The following PTMA variants were observed in gnomAD, a reference collection of about 807,000 sequenced individuals.
The protein encoded by PTMA is gene sequence 28.
PTMA carries 4 observed loss-of-function variants against 16.9 expected under a neutral mutation model. The ratio of observed to expected loss-of-function variants is 0.24; its 90% CI spans 0.12 to 0.54. PTMA has a LOEUF of 0.54. PTMA is among the 20% of genes least tolerant of loss of function. PTMA has a pLI of 0.95. For synonymous variants in PTMA, 58 were observed against 47.9 expected (o/e 1.21, Z -0.87); for missense variants, 120 against 137.7 (o/e 0.87, Z 0.64).
chr2:231,710,310 C>A (rs1268268031), intron 1 of PTMA: 1 of 1,247,700 alleles, frequency 8.0e-7, no homozygotes, highest in Non-Finnish European at 1.0e-6. Context: ...AGGCAAGGGA[C>A]GCACTCGGCG....
intron 2 of PTMA, 80 bp from the exon 3 acceptor site, chr2:231,711,809 TG>T: frequency 6.4e-7 from 1 of 1,571,694 alleles, no homozygotes; most frequent in East Asian, 2.3e-5. Flanking sequence ...CAGCCTCTGG[TG>T]GGAGGCCGGG....
At chr2:231,709,957 G>A (rs2048494886) in intron 1 of PTMA, 3 of 767,446 alleles carry the variant, frequency 3.9e-6, no homozygotes, top group East Asian at 3.6e-5. Flanking sequence ...TCTCCACAGG[G>A]GCTCTCAGTG....
intron 1 of PTMA, among the ~76,000 whole-genome samples, chr2:231,710,942 C>T (rs116282784): frequency 0.021 from 3,178 of 152,358 alleles, 57 homozygotes; most frequent in Non-Finnish European, 0.033. Flanking sequence ...TGGAACATAA[C>T]CTGCCGCCTT....
At chr2:231,709,248 TGCAG>T (rs1252295067) in intron 1 of PTMA, among the ~76,000 whole-genome samples, 12 of 152,276 alleles carry the variant, frequency 7.9e-5, no homozygotes, top group African/African-American at 2.4e-4. Flanking sequence ...TTTCGCGCCC[TGCAG>T]CGGACCTGAG....
In PTMA at chr2:231,712,882, A is replaced by T. The variant is rs754572320; in HGVS notation, c.*31A>T. The T allele has an allele frequency of 7.1e-6, 11 of 1,539,776 alleles. No homozygotes were observed. The highest frequency in any genetic ancestry group is 9.6e-6 in the Non-Finnish European group (11 of 1,144,456). ...AAAAAAGGAAAAGTTAAACTAAAAAAAAAAAGGCCGCCGTGACCTATTCAC... is the reference window on the plus strand; with the variant it reads ...AAAAAAGGAAAAGTTAAACTAAAAATAAAAAGGCCGCCGTGACCTATTCAC... On this transcript the variant is annotated 3_prime_UTR_variant, in exon 5 of 5. Transcript: ENST00000409115.
intron 2 of PTMA, 151 bp downstream of exon 2, chr2:231,711,570 G>A: frequency 1.3e-6 from 1 of 780,622 alleles, no homozygotes; most frequent in Non-Finnish European, 2.1e-6. Context: ...TTTACCCGAG[G>A]CGCGATTATT....
chr2:231,709,952 A>C (rs1284941509), intron 1 of PTMA: 75 of 741,642 alleles, frequency 1.0e-4, no homozygotes, highest in South Asian at 1.4e-4. Flanking sequence ...CCGGATCTCC[A>C]CAGGGGCTCT....
At chr2:231,711,490 C>A in intron 2 of PTMA, 71 bp downstream of exon 2, 2 of 1,392,556 alleles carry the variant, frequency 1.4e-6, no homozygotes, top group Non-Finnish European at 2.0e-6. Context: ...CTACTTTAAA[C>A]ATACCTATAT....
At chr2:231,712,122 C>A (rs1222788997) in intron 3 of PTMA, 139 bp downstream of exon 3, 2 of 1,447,416 alleles carry the variant, frequency 1.4e-6, no homozygotes, top group Non-Finnish European at 1.9e-6. Flanking sequence ...CCTGGGCACC[C>A]ACCTGTAGAG....
intron 1 of PTMA, 27 bp downstream of exon 1, chr2:231,708,778 CGG>C (rs1559281054): frequency 2.5e-6 from 4 of 1,597,822 alleles, no homozygotes; most frequent in Non-Finnish European, 2.5e-6. Flanking sequence ...CCCGCCCCCT[CGG>C]GGTCCGCGCG....
chr2:231,709,033 C>A (rs899239285), intron 1 of PTMA, among the ~76,000 whole-genome samples: 11 of 152,280 alleles, frequency 7.2e-5, no homozygotes, highest in Non-Finnish European at 1.3e-4. Flanking sequence ...CGAAACTCGT[C>A]TGTGGCCGGT....
chr2:231,709,028 C>G (rs1236643770), intron 1 of PTMA, among the ~76,000 whole-genome samples: 1 of 152,202 alleles, frequency 6.6e-6, no homozygotes, highest in Non-Finnish European at 1.5e-5. Context: ...GCCCTCGAAA[C>G]TCGTCTGTGG....
At chr2:231,709,278 T>G (rs1201900192) in intron 1 of PTMA, among the ~76,000 whole-genome samples, 2 of 151,964 alleles carry the variant, frequency 1.3e-5, no homozygotes, top group Non-Finnish European at 2.9e-5. Flanking sequence ...TTGTCTAGAC[T>G]AAGTCCCGAT....
intron 1 of PTMA, chr2:231,710,638 C>T (rs1309624542): frequency 4.4e-6 from 2 of 455,092 alleles, no homozygotes; most frequent in Non-Finnish European, 4.5e-6. Context: ...CCCGGGGCCG[C>T]GCTGCCTTTT....
rs2048516788 is a variant in PTMA, at chr2:231,711,400, C to T, written c.98C>T (p.Ala33Val). 5 of 1,614,136 alleles carry T rather than the reference C, an allele frequency of 3.1e-6. No homozygotes were observed. The highest frequency in any genetic ancestry group is 1.1e-5 in the South Asian group (1 of 91,084). ...VVEEAENGRDAPANGNANEEN... is the reference protein window; with the variant it reads ...VVEEAENGRDVPANGNANEEN... ...GAAGAGGCAGAAAATGGAAGAGACG[C>T]CCCTGCTAACGGGAATGCTGTGAGT... The change falls in exon 2 of 5, where the codon GCC becomes GTC. Residue 33 changes from alanine (A) to valine (V), a missense_variant. Ala to Val is a moderately conservative substitution (Grantham distance 64). Transcript: ENST00000409115.
chr2:231,709,124 C>G (rs1408939822), intron 1 of PTMA, among the ~76,000 whole-genome samples: 1 of 152,258 alleles, frequency 6.6e-6, no homozygotes, highest in Admixed American at 6.5e-5. Context: ...GAAACTCAAG[C>G]GCGTTGGGAA....
At chr2:231,709,477 C>T (rs2048487862) in intron 1 of PTMA, among the ~76,000 whole-genome samples, 1 of 152,208 alleles carries the variant, frequency 6.6e-6, no homozygotes, top group Non-Finnish European at 1.5e-5. Context: ...GGCGAGAGCC[C>T]ACGCGCCGCA....
chr2:231,712,693 G>C (rs868769422), intron 4 of PTMA, 111 bp from the exon 5 acceptor site: 2 of 1,402,670 alleles, frequency 1.4e-6, no homozygotes, highest in South Asian at 2.5e-5. Flanking sequence ...AGAGGCCTTG[G>C]GCTGTGGAGC....
At chr2:231,712,337 T>G in intron 3 of PTMA, 106 bp from the exon 4 acceptor site, 1 of 1,217,248 alleles carries the variant, frequency 8.2e-7, no homozygotes, top group South Asian at 1.3e-5. Flanking sequence ...TTGCAGGCAG[T>G]AGAGGCAGGG....
Sources: allele counts gnomAD v4.1 joint callset (sites outside exome capture counted in the v4.1 genomes callset), GRCh38; gene constraint gnomAD v4.1.1; transcripts MANE v1.5; gene names NCBI Gene and HGNC (gene_info 2026-07-23, HGNC 2026-07-21).